RAB33A: variants seen among roughly 807,000 people sequenced by gnomAD.
RAB33A encodes ras-related protein Rab-33A.
A neutral mutation model predicts 12.0 loss-of-function variants in RAB33A; 6 were observed. That is an observed-to-expected ratio of 0.50 (90% confidence interval 0.27 to 0.99). The LOEUF is 0.99. Among genes scored for constraint, RAB33A ranks in the 50% least tolerant of loss-of-function variants. RAB33A has a pLI of 0.11. For synonymous variants in RAB33A, 70 were observed against 82.4 expected, an observed-to-expected ratio of 0.85 and a Z score of 0.81; for missense variants, 109 against 192.0, an observed-to-expected ratio of 0.57 and a Z score of 2.55.
At chrX:130,120,959 C>T in the RAB33A span, among the ~76,000 whole-genome samples, 1 of 113,035 alleles carries the variant, frequency 8.8e-6, no homozygotes, top group Non-Finnish European at 1.9e-5. Flanking sequence ...TCCTCTGCCC[C>T]CAGCTTTCCT....
the RAB33A span, among the ~76,000 whole-genome samples, chrX:130,133,102 G>A: frequency 9.0e-6 from 1 of 111,603 alleles, no homozygotes; most frequent in Non-Finnish European, 1.9e-5. Context: ...CTCTTTTAAT[G>A]TTTTACAAAA....
At chrX:130,156,345 AT>A in the RAB33A span, 6 of 1,039,592 alleles carry the variant, frequency 5.8e-6, no homozygotes, top group Non-Finnish European at 8.0e-6. Context: ...CTTTTTGAAA[AT>A]TTTTCCAAAA....
At chrX:130,164,347 C>T in the RAB33A span, among the ~76,000 whole-genome samples, 10 of 112,351 alleles carry the variant, frequency 8.9e-5, no homozygotes, top group African/African-American at 3.2e-4. Context: ...CTCAAATACA[C>T]CTATCAGGAA....
At chrX:130,166,725 G>C in the RAB33A span, among the ~76,000 whole-genome samples, 30 of 111,955 alleles carry the variant, frequency 2.7e-4, no homozygotes, top group African/African-American at 9.7e-4. Flanking sequence ...GAAAAGTACG[G>C]ATGGTCCCCG....
chrX:130,127,356 C>T, the RAB33A span, among the ~76,000 whole-genome samples: 65 of 111,213 alleles, frequency 5.8e-4, no homozygotes, highest in African/African-American at 1.9e-3. Context: ...GCATTCCTCA[C>T]GGACACCAGG....
rs993390362 is a variant in RAB33A, at chrX:130,184,664, C to G, written c.638C>G (p.Ala213Gly). ...KAQKSLLYRD[A>G]ERQQGKVQKL... ...CAGAAATCCCTGCTGTATCGTGATG[C>G]TGAGAGGCAGCAGGGGAAGGTGCAG... Residue 213 changes from alanine (A) to glycine (G), a missense_variant, in exon 2 of 2, where the codon GCT (alanine) becomes GGT (glycine). Physicochemically the swap from Ala to Gly is moderately conservative, Grantham distance 60 (BLOSUM62 0). Coordinates refer to ENST00000257017, the MANE Select transcript of RAB33A (RefSeq NM_004794.3). 6.6e-6 allele frequency: 8 copies of G among 1,210,090 alleles called. No homozygotes were observed. In the African/African-American group the frequency reaches 1.4e-4, roughly 21 times the overall value.
chrX:130,180,789 C>G (rs2031717542), intron 1 of RAB33A, among the ~76,000 whole-genome samples: 1 of 105,714 alleles, frequency 9.5e-6, no homozygotes, highest in Non-Finnish European at 1.9e-5. Flanking sequence ...TTTTTTGTTA[C>G]CTAAGGTCAG....
the RAB33A span, chrX:130,156,577 G>A: frequency 8.3e-7 from 1 of 1,211,413 alleles, no homozygotes; most frequent in Admixed American, 2.2e-5. Context: ...AGTTCTAGAG[G>A]AACATGCCAT....
the RAB33A span, among the ~76,000 whole-genome samples, chrX:130,115,324 G>C: frequency 2.7e-5 from 3 of 111,923 alleles, no homozygotes; most frequent in African/African-American, 9.7e-5. Flanking sequence ...TAGAAAAGTT[G>C]CCTATTGGCC....
upstream of RAB33A, among the ~76,000 whole-genome samples, chrX:130,169,077 G>A (rs771837565): frequency 5.5e-5 from 6 of 109,255 alleles, no homozygotes; most frequent in African/African-American, 1.7e-4. Flanking sequence ...GCGTGGTGGC[G>A]GGCGCCTGTA....
the RAB33A span, chrX:130,165,908 G>T: frequency 2.4e-6 from 1 of 420,876 alleles, no homozygotes; most frequent in South Asian, 3.2e-5. Flanking sequence ...CGCACGGCGA[G>T]AGGATTTGCG....
the RAB33A span, chrX:130,131,822 T>C: frequency 1.7e-6 from 2 of 1,209,798 alleles, no homozygotes; most frequent in East Asian, 5.9e-5. Flanking sequence ...AAGAGGGTGT[T>C]CTGTCAAGGG....
the RAB33A span, among the ~76,000 whole-genome samples, chrX:130,163,798 G>A: frequency 9.0e-6 from 1 of 111,493 alleles, no homozygotes; most frequent in African/African-American, 3.3e-5. Flanking sequence ...TAGAATGCTG[G>A]TAAAAGTTGT....
intron 1 of RAB33A, among the ~76,000 whole-genome samples, chrX:130,178,520 T>C (rs186066718): frequency 9.8e-4 from 107 of 109,427 alleles, no homozygotes; most frequent in African/African-American, 3.2e-3. Context: ...TCCCAGCTAC[T>C]CGGGAGGCCA....
chrX:130,155,973 T>C, the RAB33A span, among the ~76,000 whole-genome samples: 4 of 112,486 alleles, frequency 3.6e-5, no homozygotes, highest in African/African-American at 1.3e-4. Flanking sequence ...TAATTTAGTC[T>C]TTGGGTAAGA....
the RAB33A span, among the ~76,000 whole-genome samples, chrX:130,117,876 C>T: frequency 8.9e-6 from 1 of 112,698 alleles, no homozygotes; most frequent in Non-Finnish European, 1.9e-5. Context: ...GATGTGTCCT[C>T]AGAGTGAAGC....
At chrX:130,133,763 G>A in the RAB33A span, among the ~76,000 whole-genome samples, 3 of 109,705 alleles carry the variant, frequency 2.7e-5, no homozygotes, top group African/African-American at 9.9e-5. Flanking sequence ...AAGTAGCTGG[G>A]ACTACAGGAA....
the RAB33A span, among the ~76,000 whole-genome samples, chrX:130,138,328 G>A: frequency 9.0e-6 from 1 of 110,709 alleles, no homozygotes; most frequent in Non-Finnish European, 1.9e-5. Flanking sequence ...AGCCAGGCGT[G>A]GTTACAGGCG....
the RAB33A span, among the ~76,000 whole-genome samples, chrX:130,130,392 A>G: frequency 8.9e-6 from 1 of 111,797 alleles, no homozygotes; most frequent in Admixed American, 9.5e-5. Context: ...GCACAGGGTC[A>G]GTCTGACCCT....
Sources: gnomAD v4.1 joint callset for allele counts (sites outside exome capture counted in the v4.1 genomes callset) on GRCh38, gnomAD v4.1.1 for gene constraint, MANE v1.5 for transcripts, NCBI Gene and HGNC (gene_info 2026-07-23, HGNC 2026-07-21) for gene names.